TONSL: variants seen among roughly 807,000 people sequenced by gnomAD.
TONSL encodes tonsoku like, DNA repair protein.
In TONSL, 112 loss-of-function variants were observed where a neutral mutation model predicts 147.1. The observed-to-expected ratio is 0.76, with a 90% CI of 0.65 to 0.89. The LOEUF (loss-of-function observed/expected upper bound fraction) is 0.89, where lower values mean the gene tolerates loss of function less well. Ranked by LOEUF, TONSL falls within the 40% of genes least tolerant of loss-of-function variation. The pLI is 0.00. For missense variants in TONSL, 1,883 were observed against 1,864.6 expected (o/e 1.01, Z -0.18); for synonymous variants, 868 against 801.5 (o/e 1.08, Z -1.40).
At position 144,433,119 on chromosome 8, in the gene TONSL, C is replaced by T. The variant is rs149985070; in HGVS notation, c.3559+469G>A. 2.4e-3 allele frequency: 387 copies of T among 158,150 alleles called. 4 individuals are homozygous for T. The highest frequency in any genetic ancestry group is 0.024 in the East Asian group (127 of 5,240). The allele number at this position is 158,150 out of a possible 1,614,324, so 9.8% of individuals were successfully genotyped here. On this transcript the variant is annotated intron_variant, in intron 22 of 25. Transcript: ENST00000409379. ...TTTTTGACACGGAGTCTTGCTCTGT[C>T]GCCCAGGCTGGAGTGCAACGGCGCG...
Position 144,435,161 on chromosome 8 carries a change from G to A in TONSL, c.2862C>T (p.Thr954=). 2 of 1,553,664 alleles carry A rather than the reference G, an allele frequency of 1.3e-6. No individual in the cohort carries two copies. Among genetic ancestry groups the A allele is most frequent in the Non-Finnish European group, 8.7e-7 (1 of 1,150,688 alleles). The change falls in exon 19 of 26, where the codon ACC becomes ACT. Residue 954 remains threonine, a synonymous_variant. Coordinates refer to ENST00000409379, the MANE Select transcript of TONSL (RefSeq NM_013432.5). ...FLIPVPHSSD[T]HSVAWLAEQA... ...GCTCGGCCAGCCAGGCCACAGAGTG[G>A]GTGTCACTGCTGCAGGGACAGAGGC...
At chr8:144,440,544 TC>T in intron 9 of TONSL, 68 bp from the exon 10 acceptor site, 1 of 1,535,716 alleles carries the variant, frequency 6.5e-7, no homozygotes. Flanking sequence ...CAGTCAAGCT[TC>T]CCCGGCTGCC....
chr8:144,444,358 C>T, intron 1 of TONSL, 32 bp downstream of exon 1: 2 of 1,284,106 alleles, frequency 1.6e-6, no homozygotes, highest in South Asian at 2.5e-5. Flanking sequence ...AGCCTCCGCG[C>T]CCCCGGAGGA....
Position 144,435,892 on chromosome 8 carries a change from C to T in TONSL, c.2541G>A (p.Arg847=), listed in dbSNP as rs778845248. The T allele has an allele frequency of 3.1e-6, 5 of 1,597,110 alleles. No individual in the cohort carries two copies. The South Asian group carries it at 5.5e-5, about 18-fold the overall frequency. The part of the protein sequence containing the change: ...ELDMPLTRSR[R]PRPRGTGDNR... ...TGTCTCCAGTGCCCCGGGGGCGGGGCCGGCGGCTGCGGGTCAGGGGCATGT... is the reference window on the plus strand; with the variant it reads ...TGTCTCCAGTGCCCCGGGGGCGGGGTCGGCGGCTGCGGGTCAGGGGCATGT... Residue 847 remains arginine (R), a synonymous_variant, in exon 17 of 26, where the codon CGG becomes CGA. Coordinates refer to ENST00000409379, the MANE Select transcript of TONSL (RefSeq NM_013432.5).
intron 9 of TONSL, 35 bp from the exon 10 acceptor site, chr8:144,440,511 C>T (rs760314796): frequency 3.3e-5 from 52 of 1,562,650 alleles, no homozygotes; most frequent in East Asian, 4.5e-5. Flanking sequence ...CGGGGGCTGC[C>T]GCTGTCTGCG....
chr8:144,435,186 CGCT>C lies in TONSL; in HGVS notation c.2853-19_2853-17del, dbSNP rs760826848. 1.5e-5 allele frequency: 22 copies of C among 1,501,708 alleles called. No individual in the cohort carries two copies. Among genetic ancestry groups the C allele is most frequent in the Admixed American group, 8.6e-5 (4 of 46,344 alleles). 93.0% of individuals were successfully genotyped at this position (1,501,708 alleles called of 1,614,324 possible). ...GGTGTCACTGCTGCAGGGACAGAGG[CGCT>C]GCTGCTGCTGCCTGCACACAGCCGG... On this transcript the variant is annotated splice_polypyrimidine_tract_variant and intron_variant, in intron 18 of 25. Transcript: ENST00000409379.
At chr8:144,431,001 T>G in intron 24 of TONSL, 77 bp downstream of exon 24, 1 of 1,509,424 alleles carries the variant, frequency 6.6e-7, no homozygotes, top group Non-Finnish European at 9.2e-7. Context: ...GTACCATTTC[T>G]GTGGCCCTTC....
In TONSL at chr8:144,434,178, G is replaced by A. The variant is rs1161039659; in HGVS notation, c.3187C>T (p.Leu1063=). 2 of 1,605,680 alleles carry A rather than the reference G, an allele frequency of 1.2e-6. No homozygotes were observed. The highest frequency in any genetic ancestry group is 1.7e-6 in the Non-Finnish European group (2 of 1,175,372). ...ALDQAQLTPL[L]RALKLHTALR... is the part of the protein sequence containing the mutation. Reference sequence around the variant, plus strand: ...GCTGTGTGCAGCTTGAGGGCCCGCAGCAGGGGTGTAAGCTGGGCCTGGTCC... The same window carrying A: ...GCTGTGTGCAGCTTGAGGGCCCGCAACAGGGGTGTAAGCTGGGCCTGGTCC... The change falls in exon 21 of 26, where the codon CTG becomes TTG. Residue 1063 remains leucine (L), a synonymous_variant. Transcript: ENST00000409379.
chr8:144,433,167 G>A (rs529527448), intron 22 of TONSL: 46 of 163,086 alleles, frequency 2.8e-4, no homozygotes, highest in Non-Finnish European at 5.3e-4. Context: ...TGCAAGCTCC[G>A]CTTCCCGGGT....
At position 144,442,131 on chromosome 8, in the gene TONSL, G is replaced by T. The variant is rs1300128484; in HGVS notation, c.771C>A (p.Asp257Glu). Residue 257 changes from aspartate to glutamate, a missense_variant, in exon 7 of 26, where the codon GAC (aspartate) becomes GAA (glutamate). By Grantham distance (45) the Asp-to-Glu change is conservative. Coordinates refer to ENST00000409379, the MANE Select transcript of TONSL (RefSeq NM_013432.5). ...TCAGGGCTCGCTTGGCAGCCAAAAAGTCTCCCAGGTCTTGGAGGACCTGGA... is the reference window on the plus strand; with the variant it reads ...TCAGGGCTCGCTTGGCAGCCAAAAATTCTCCCAGGTCTTGGAGGACCTGGA... Reference protein sequence around the residue: ...VIAQVLQDLGDFLAAKRALKK... With the variant: ...VIAQVLQDLGEFLAAKRALKK... The T allele has an allele frequency of 1.2e-5, 19 of 1,612,352 alleles. No homozygotes were observed. The highest frequency in any genetic ancestry group is 1.4e-5 in the Non-Finnish European group (17 of 1,179,668).
chr8:144,436,564 C>T lies in TONSL; in HGVS notation c.2008G>A (p.Gly670Ser), dbSNP rs755108031. Residue 670 changes from glycine to serine, a missense_variant, in exon 16 of 26, where the codon GGC (glycine) becomes AGC (serine). By Grantham distance (56) the Gly-to-Ser change is moderately conservative. Coordinates refer to ENST00000409379, the MANE Select transcript of TONSL (RefSeq NM_013432.5). The part of the protein sequence containing the change: ...MEMLLQAAAS[G>S]QDPHSSQAFH... The stretch of plus-strand genomic sequence containing the variant: ...CAAGGGACGCCCTGCTTGCCTTGGC[C>T]CGAGGCAGCCGCCTGGAGCAGCATC... 1.2e-6 allele frequency: 2 copies of T among 1,610,070 alleles called. No individual in the cohort carries two copies. Among genetic ancestry groups the T allele is most frequent in the South Asian group, 2.2e-5 (2 of 91,066 alleles).
chr8:144,440,330 G>A, intron 10 of TONSL, 21 bp downstream of exon 10: 1 of 1,574,510 alleles, frequency 6.4e-7, no homozygotes, highest in Non-Finnish European at 8.6e-7. Flanking sequence ...GAGCCAGTAT[G>A]GGTGGGATGG....
At chr8:144,441,710 T>C in intron 7 of TONSL, 1 of 307,594 alleles carries the variant, frequency 3.3e-6, no homozygotes. Flanking sequence ...CCATCTCCTC[T>C]CCCACCCTGG....
rs759590062 is a variant in TONSL, at chr8:144,440,748, TTCC to T, written c.1131_1133del (p.Glu378del). On this transcript the variant is annotated inframe_deletion, in exon 9 of 26. Coordinates refer to ENST00000409379, the MANE Select transcript of TONSL (RefSeq NM_013432.5). ...GCACGTTGCCGCTGCGCAGCCTCAGTTCCTCCTCATAGTGGCGCACGGCCCCAT... is the reference window on the plus strand; with the variant it reads ...GCACGTTGCCGCTGCGCAGCCTCAGTTCCTCATAGTGGCGCACGGCCCCAT... 6.2e-7 allele frequency: 1 copy of T among 1,612,838 alleles called. No individual in the cohort carries two copies. The highest frequency in any genetic ancestry group is 1.1e-5 in the South Asian group (1 of 91,088).
At position 144,433,574 on chromosome 8, in the gene TONSL, C is replaced by T. The variant is rs782535136; in HGVS notation, c.3559+14G>A. On this transcript the variant is annotated intron_variant, in intron 22 of 25. Coordinates refer to ENST00000409379, the MANE Select transcript of TONSL (RefSeq NM_013432.5). ...AGGGCTAGGGAGTGGACAGGGAGTG[C>T]CTGGTCAGCTCACCTTGGAAAGCAC... The T allele has an allele frequency of 1.2e-4, 194 of 1,612,254 alleles. No homozygotes were observed. The highest frequency in any genetic ancestry group is 1.6e-4 in the Non-Finnish European group (186 of 1,179,388).
chr8:144,432,042 G>T (rs1823222082), intron 23 of TONSL, among the ~76,000 whole-genome samples: 2 of 151,860 alleles, frequency 1.3e-5, no homozygotes, highest in South Asian at 4.1e-4. Context: ...TGGCCAGGCT[G>T]CTTTTGAACT....
At chr8:144,439,910 T>G in intron 11 of TONSL, 111 bp downstream of exon 11, 1 of 631,538 alleles carries the variant, frequency 1.6e-6, no homozygotes, top group Non-Finnish European at 2.8e-6. Flanking sequence ...CCTGCCTGCC[T>G]GTGGCTGTTC....
chr8:144,443,876 C>T lies in TONSL; in HGVS notation c.264+6G>A. The T allele has an allele frequency of 1.3e-6, 2 of 1,544,598 alleles. No individual in the cohort carries two copies. Among genetic ancestry groups the T allele is most frequent in the Non-Finnish European group, 1.7e-6 (2 of 1,146,560 alleles). On this transcript the variant is annotated splice_donor_region_variant and intron_variant, in intron 3 of 25. Transcript: ENST00000409379. ...GGCTGGACGAGGCCAGTGAGGGCGC[C>T]CGCACCTGCAAGGCAGCCGGGTAGT...
chr8:144,444,233 C>A lies in TONSL; in HGVS notation c.68G>T (p.Arg23Leu). ...GTGGCACAGCGCGGCCTCTTCGCGCCGCTGCCCGGCCCTCTGCGCCTTGGC... is the reference window on the plus strand; with the variant it reads ...GTGGCACAGCGCGGCCTCTTCGCGCAGCTGCCCGGCCCTCTGCGCCTTGGC... Reference protein sequence around the residue: ...AKAKAQRAGQRREEAALCHQL... With the variant: ...AKAKAQRAGQLREEAALCHQL... The change falls in exon 2 of 26, where the codon CGG becomes CTG. Residue 23 changes from arginine to leucine, a missense_variant. Coordinates refer to ENST00000409379, the MANE Select transcript of TONSL (RefSeq NM_013432.5). The A allele has an allele frequency of 6.9e-7, 1 of 1,458,184 alleles. No homozygotes were observed. Among genetic ancestry groups the A allele is most frequent in the Non-Finnish European group, 9.0e-7 (1 of 1,108,182 alleles). 90.3% of individuals were successfully genotyped at this position (1,458,184 alleles called of 1,614,324 possible). A position where few individuals can be genotyped will look rare whatever the true frequency, so the allele number is the denominator to read the frequency against.
Sources: allele counts gnomAD v4.1 joint callset (sites outside exome capture counted in the v4.1 genomes callset), GRCh38; gene constraint gnomAD v4.1.1; transcripts MANE v1.5; gene names NCBI Gene and HGNC (gene_info 2026-07-23, HGNC 2026-07-21).